Variants in NIBAN1 observed in about 807,000 individuals in gnomAD.
NIBAN1 encodes the protein niban apoptosis regulator 1.
A neutral mutation model predicts 75.1 loss-of-function variants in NIBAN1; 81 were observed. That is an observed-to-expected ratio of 1.08 (90% CI 0.90 to 1.30). The LOEUF is 1.30. NIBAN1 is among the 50% of genes most tolerant of loss of function. The pLI, the probability that NIBAN1 is intolerant of heterozygous loss-of-function variation, is 0.00. For synonymous variants in NIBAN1, 436 were observed against 424.8 expected (o/e 1.03, Z -0.32); for missense variants, 1,133 against 1,128.1 (o/e 1.00, Z -0.06).
chr1:184,947,954 T>C (rs1299323306), intron 1 of NIBAN1, among the ~76,000 whole-genome samples: 1 of 152,192 alleles, frequency 6.6e-6, no homozygotes, highest in African/African-American at 2.4e-5. Context: ...AGCAAGCACG[T>C]GATGTTTATT....
intron 5 of NIBAN1, among the ~76,000 whole-genome samples, chr1:184,841,795 A>G (rs1468936091): frequency 6.6e-6 from 1 of 152,238 alleles, no homozygotes; most frequent in Non-Finnish European, 1.5e-5. Context: ...ATCTGGGCTG[A>G]GTTACCTTGT....
intron 1 of NIBAN1, among the ~76,000 whole-genome samples, chr1:184,956,440 T>G (rs1208089822): frequency 1.3e-5 from 2 of 152,170 alleles, no homozygotes; most frequent in African/African-American, 4.8e-5. Context: ...AATTCAGCAC[T>G]TCTCCAACCC....
At chr1:184,900,527 C>T (rs1370938665) in intron 1 of NIBAN1, among the ~76,000 whole-genome samples, 2 of 152,130 alleles carry the variant, frequency 1.3e-5, no homozygotes, top group Admixed American at 6.6e-5. Flanking sequence ...CTCTCAGCAC[C>T]GAAAGTAAAT....
At chr1:184,961,350 T>C (rs868521196) in intron 1 of NIBAN1, among the ~76,000 whole-genome samples, 1 of 152,214 alleles carries the variant, frequency 6.6e-6, no homozygotes, top group African/African-American at 2.4e-5. Flanking sequence ...ATTACAGTAG[T>C]GAGCCACCGC....
intron 1 of NIBAN1, among the ~76,000 whole-genome samples, chr1:184,906,378 C>T (rs1385596365): frequency 6.6e-6 from 1 of 152,100 alleles, no homozygotes; most frequent in South Asian, 2.1e-4. Flanking sequence ...CACCTGTAAT[C>T]CTAGCACTTT....
intron 1 of NIBAN1, among the ~76,000 whole-genome samples, chr1:184,946,741 C>G (rs1443982488): frequency 1.3e-5 from 2 of 152,178 alleles, no homozygotes; most frequent in African/African-American, 4.8e-5. Context: ...CTCCACTCTT[C>G]ATATTTTCAT....
chr1:184,946,673 C>A (rs938138752), intron 1 of NIBAN1, among the ~76,000 whole-genome samples: 1 of 152,086 alleles, frequency 6.6e-6, no homozygotes, highest in African/African-American at 2.4e-5. Flanking sequence ...GAGATATTTT[C>A]TTTTAAAAAG....
chr1:184,953,250 G>C lies in NIBAN1; in HGVS notation c.55+21052C>G, dbSNP rs139512328. On this transcript the variant is annotated intron_variant, in intron 1 of 13. Coordinates refer to ENST00000367511, the MANE Select transcript of NIBAN1 (RefSeq NM_052966.4). Reference sequence around the variant, plus strand: ...AGAGGAGGCTAGATAACTTGCAGAAGGTAGCACAGCTAGCAAGAGATGGGG... The same window carrying C: ...AGAGGAGGCTAGATAACTTGCAGAACGTAGCACAGCTAGCAAGAGATGGGG... Among the ~76,000 whole-genome samples, 222 of 152,294 alleles carry C rather than the reference G, an allele frequency of 1.5e-3. 1 individual carries two copies. Among genetic ancestry groups the C allele is most frequent in the African/African-American group, 5.2e-3 (217 of 41,576 alleles).
intron 10 of NIBAN1, 40 bp downstream of exon 10, chr1:184,808,034 C>T: frequency 1.2e-6 from 2 of 1,611,470 alleles, no homozygotes; most frequent in South Asian, 2.2e-5. Flanking sequence ...TCTGCTCTCT[C>T]TTTACCCTCA....
In NIBAN1 at chr1:184,853,716, C is replaced by A. The variant is rs1011850024; in HGVS notation, c.602-21754G>T. ...CAACACACACACATACATACACACA[C>A]CTGTGCGCACACACAAAAATACACA... On this transcript the variant is annotated intron_variant, in intron 5 of 13. Transcript: ENST00000367511. Among the ~76,000 whole-genome samples the A allele has an allele frequency of 2.0e-5, 3 of 152,240 alleles. No homozygotes were observed. In the South Asian group the frequency reaches 6.2e-4, roughly 32 times the overall value.
intron 1 of NIBAN1, among the ~76,000 whole-genome samples, chr1:184,963,799 A>C (rs939907136): frequency 1.3e-5 from 2 of 152,224 alleles, no homozygotes; most frequent in Non-Finnish European, 2.9e-5. Context: ...TAAGGTTTGA[A>C]AGACTCAATA....
intron 1 of NIBAN1, among the ~76,000 whole-genome samples, chr1:184,948,503 A>C (rs948698449): frequency 1.3e-5 from 2 of 152,184 alleles, no homozygotes; most frequent in Non-Finnish European, 2.9e-5. Flanking sequence ...AAAATTATTC[A>C]CATTTTGACA....
Position 184,795,689 on chromosome 1 carries a change from T to C in NIBAN1, c.2075A>G (p.Asp692Gly). Residue 692 changes from aspartate to glycine, a missense_variant, in exon 14 of 14, where the codon GAT becomes GGT. Transcript: ENST00000367511. ...TGGCTCTTCCTGGGCGGGTTCTTCATCCTCAAGGGTCCCTCCAAACTCCAG... is the reference window on the plus strand; with the variant it reads ...TGGCTCTTCCTGGGCGGGTTCTTCACCCTCAAGGGTCCCTCCAAACTCCAG... ...SELEFGGTLEDEEPAQEEPEP... is the reference protein window; with the variant it reads ...SELEFGGTLEGEEPAQEEPEP... 2 of 1,614,074 alleles carry C rather than the reference T, an allele frequency of 1.2e-6. No individual in the cohort carries two copies. Among genetic ancestry groups the C allele is most frequent in the Middle Eastern group, 1.6e-4 (1 of 6,062 alleles).
intron 9 of NIBAN1, among the ~76,000 whole-genome samples, chr1:184,813,528 C>G (rs1654441182): frequency 6.6e-6 from 1 of 151,944 alleles, no homozygotes; most frequent in South Asian, 2.1e-4. Flanking sequence ...TAACCATGCC[C>G]CCTAGCTATA....
intron 1 of NIBAN1, among the ~76,000 whole-genome samples, chr1:184,946,182 C>T (rs1188915786): frequency 1.3e-5 from 2 of 152,194 alleles, no homozygotes; most frequent in African/African-American, 4.8e-5. Flanking sequence ...GCACCAATGA[C>T]ATCATGTTGC....
rs1557872064 is a variant in NIBAN1, at chr1:184,808,514, G to C, written c.1174-279C>G. On this transcript the variant is annotated intron_variant, in intron 9 of 13. Coordinates refer to ENST00000367511, the MANE Select transcript of NIBAN1 (RefSeq NM_052966.4). ...ACGGGGACTCCAGTCTTTGTAAGCT[G>C]TTGATGGACTCTAATCTCCCACTTC... Among the ~76,000 whole-genome samples, 4 of 152,190 alleles carry C rather than the reference G, an allele frequency of 2.6e-5. No individual in the cohort carries two copies. The South Asian group carries it at 8.3e-4, about 31-fold the overall frequency.
Position 184,823,247 on chromosome 1 carries a change from G to C in NIBAN1, c.905C>G (p.Thr302Arg). Residue 302 changes from threonine to arginine, a missense_variant, in exon 8 of 14, where the codon ACA (threonine) becomes AGA (arginine). By Grantham distance (71) the Thr-to-Arg change is moderately conservative. Coordinates refer to ENST00000367511, the MANE Select transcript of NIBAN1 (RefSeq NM_052966.4). Reference sequence around the variant, plus strand: ...ACGGATCGTTCCTTCCAGGCCCTTTGTCAGAGCTCTGCATTCCTCCTTCAA... The same window carrying C: ...ACGGATCGTTCCTTCCAGGCCCTTTCTCAGAGCTCTGCATTCCTCCTTCAA... ...SALKEECRAL[T>R]KGLEGTIRSD... 8 of 1,614,184 alleles carry C rather than the reference G, an allele frequency of 5.0e-6. No individual in the cohort carries two copies. The highest frequency in any genetic ancestry group is 6.8e-6 in the Non-Finnish European group (8 of 1,180,032).
chr1:184,960,216 G>A (rs1227891346), intron 1 of NIBAN1, among the ~76,000 whole-genome samples: 5 of 152,116 alleles, frequency 3.3e-5, no homozygotes, highest in South Asian at 4.1e-4. Flanking sequence ...GAAATGTACT[G>A]TTTAAATTTA....
intron 5 of NIBAN1, among the ~76,000 whole-genome samples, chr1:184,874,779 C>G (rs554253300): frequency 1.3e-4 from 19 of 151,796 alleles, no homozygotes; most frequent in African/African-American, 4.6e-4. Context: ...AGGAGGTCTA[C>G]AGAAAATAAA....
Sources: gnomAD v4.1 joint callset for allele counts (sites outside exome capture counted in the v4.1 genomes callset) on GRCh38, gnomAD v4.1.1 for gene constraint, MANE v1.5 for transcripts, NCBI Gene and HGNC (gene_info 2026-07-23, HGNC 2026-07-21) for gene names.